Variants in SLC1A2 observed in about 807,000 individuals in gnomAD.
SLC1A2 encodes the protein solute carrier family 1 member 2.
Under a neutral mutation model 48.8 loss-of-function variants are expected in SLC1A2, and 15 were observed. The observed-to-expected ratio is 0.31, with a 90% CI of 0.21 to 0.47. The LOEUF (loss-of-function observed/expected upper bound fraction) is 0.47, where lower values mean the gene tolerates loss of function less well. Among genes scored for constraint, SLC1A2 ranks in the 20% least tolerant of loss-of-function variants. The probability of loss-of-function intolerance (pLI) is 0.99; values close to 1 mark genes in which losing one functional copy is unlikely to be tolerated. For synonymous variants in SLC1A2, 279 were observed against 272.6 expected, an observed-to-expected ratio of 1.02 and a Z score of -0.23; for missense variants, 502 against 730.5, an observed-to-expected ratio of 0.69 and a Z score of 3.61.
At chr11:35,274,507 T>C (rs1383997516) in intron 9 of SLC1A2, among the ~76,000 whole-genome samples, 2 of 152,126 alleles carry the variant, frequency 1.3e-5, no homozygotes, top group African/African-American at 4.8e-5. Flanking sequence ...AAGGTTAACG[T>C]AGGAATTAGT....
chr11:35,282,153 G>T (rs1051594685), intron 8 of SLC1A2, among the ~76,000 whole-genome samples: 3 of 152,018 alleles, frequency 2.0e-5, no homozygotes, highest in Non-Finnish European at 2.9e-5. Context: ...GCCCATCCTT[G>T]CATAGACACT....
intron 5 of SLC1A2, 71 bp from the exon 6 acceptor site, chr11:35,301,716 C>T: frequency 6.9e-7 from 1 of 1,452,894 alleles, no homozygotes; most frequent in East Asian, 2.3e-5. Flanking sequence ...CATTCTTTAC[C>T]ATTCCCAATG....
chr11:35,296,029 T>A (rs1270906240), intron 6 of SLC1A2, among the ~76,000 whole-genome samples: 2 of 152,208 alleles, frequency 1.3e-5, no homozygotes, highest in African/African-American at 2.4e-5. Context: ...CCCAGGTAAT[T>A]CTGATCTGTT....
At chr11:35,368,105 T>C (rs964812563) in intron 1 of SLC1A2, among the ~76,000 whole-genome samples, 3 of 152,184 alleles carry the variant, frequency 2.0e-5, no homozygotes, top group African/African-American at 7.2e-5. Context: ...TAAAAAGGAA[T>C]AATTTTCTCA....
chr11:35,414,406 C>T lies in SLC1A2; in HGVS notation c.17+4544G>A, dbSNP rs181385781. Among the ~76,000 whole-genome samples, 175 of 152,266 alleles carry T rather than the reference C, an allele frequency of 1.1e-3. 1 individual carries two copies. Among genetic ancestry groups the T allele is most frequent in the Admixed American group, 9.6e-3 (147 of 15,294 alleles). Reference sequence around the variant, plus strand: ...TGCTAGTCCTTTTCTATTCTACCGACAAATATGTGGCCCATCTGCCTCCAG... The same window carrying T: ...TGCTAGTCCTTTTCTATTCTACCGATAAATATGTGGCCCATCTGCCTCCAG... On this transcript the variant is annotated intron_variant, in intron 1 of 10. Coordinates refer to ENST00000278379, the MANE Select transcript of SLC1A2 (RefSeq NM_004171.4).
intron 7 of SLC1A2, among the ~76,000 whole-genome samples, chr11:35,289,122 GC>G (rs1400124663): frequency 2.6e-5 from 4 of 152,174 alleles, no homozygotes; most frequent in Admixed American, 1.3e-4. Context: ...TTAACAGACT[GC>G]ACTGAAGTTG....
chr11:35,387,985 C>T (rs1412526243), intron 1 of SLC1A2, among the ~76,000 whole-genome samples: 1 of 152,178 alleles, frequency 6.6e-6, no homozygotes, highest in African/African-American at 2.4e-5. Context: ...ATGAGGTCAG[C>T]GTTATCATAC....
intron 1 of SLC1A2, among the ~76,000 whole-genome samples, chr11:35,414,681 G>A (rs1343578575): frequency 6.6e-6 from 1 of 152,198 alleles, no homozygotes; most frequent in Non-Finnish European, 1.5e-5. Flanking sequence ...TGCAAGCAAG[G>A]CAGTGTCTGG....
chr11:35,378,862 C>T (rs1854326753), intron 1 of SLC1A2, among the ~76,000 whole-genome samples: 1 of 152,174 alleles, frequency 6.6e-6, no homozygotes, highest in African/African-American at 2.4e-5. Flanking sequence ...CTAAATGTAG[C>T]TCATGGAAGG....
Position 35,260,234 on chromosome 11 carries a change from T to A in SLC1A2, c.*660A>T, listed in dbSNP as rs952307590. 1 of 152,246 alleles carries A rather than the reference T, an allele frequency of 6.6e-6. No homozygotes were observed. Among genetic ancestry groups the A allele is most frequent in the Non-Finnish European group, 1.5e-5 (1 of 68,040 alleles). 9.4% of individuals were successfully genotyped at this position (152,246 alleles called of 1,614,324 possible). A position where few individuals can be genotyped will look rare whatever the true frequency, so the allele number is the denominator to read the frequency against. On this transcript the variant is annotated 3_prime_UTR_variant, in exon 11 of 11. Transcript: ENST00000278379. ...AATTTCAACCATTGTTCTCACAGAT[T>A]ACACAGGGTAAGGCAGAGATGTAAC...
chr11:35,339,177 G>A (rs894171992), intron 1 of SLC1A2, among the ~76,000 whole-genome samples: 9 of 152,184 alleles, frequency 5.9e-5, no homozygotes, highest in Non-Finnish European at 1.0e-4. Context: ...ATTTAACTGG[G>A]AAAAATTTTT....
At chr11:35,419,804 C>G, upstream of SLC1A2, 1 of 339,250 alleles carries the variant, frequency 2.9e-6, no homozygotes, top group East Asian at 1.0e-4. The surrounding 1 kb of genome is among the most constrained non-coding windows in gnomAD (Gnocchi z 5.4). Context: ...GAAGCGCAGG[C>G]GACCGCGCGG....
intron 6 of SLC1A2, among the ~76,000 whole-genome samples, chr11:35,300,124 T>C (rs1213176693): frequency 6.6e-6 from 1 of 152,162 alleles, no homozygotes; most frequent in Non-Finnish European, 1.5e-5. Flanking sequence ...TCAGAGTCAC[T>C]GACTATAAAC....
intron 1 of SLC1A2, among the ~76,000 whole-genome samples, chr11:35,373,985 G>A (rs942549166): frequency 3.9e-5 from 6 of 152,228 alleles, no homozygotes; most frequent in Non-Finnish European, 7.3e-5. Context: ...CCGTGTCTTA[G>A]CTGTGTGATC....
intron 6 of SLC1A2, among the ~76,000 whole-genome samples, chr11:35,300,075 G>A (rs946253932): frequency 2.0e-5 from 3 of 152,164 alleles, no homozygotes; most frequent in African/African-American, 7.2e-5. Flanking sequence ...TCCACAATGA[G>A]AGAATAGATA....
intron 1 of SLC1A2, among the ~76,000 whole-genome samples, chr11:35,338,044 A>G (rs937215452): frequency 2.0e-5 from 3 of 152,214 alleles, no homozygotes; most frequent in Non-Finnish European, 4.4e-5. Flanking sequence ...GGTCTCTAGA[A>G]TATGTGGGAC....
rs1449600511 is a variant in SLC1A2 at position 35,253,441 on chromosome 11, A to G, written c.*7453T>C. 1 of 152,638 alleles carries G rather than the reference A, an allele frequency of 6.6e-6. No homozygotes were observed. Among genetic ancestry groups the G allele is most frequent in the Non-Finnish European group, 1.5e-5 (1 of 68,046 alleles). 9.5% of individuals were successfully genotyped at this position (152,638 alleles called of 1,614,324 possible). A position where few individuals can be genotyped will look rare whatever the true frequency, so the allele number is the denominator to read the frequency against. ...TTTCCACATAAACCTTTAGGAATGT[A>G]TGAAACATTCTGATCTAGGAATAAT... On this transcript the variant is annotated 3_prime_UTR_variant, in exon 11 of 11. Coordinates refer to ENST00000278379, the MANE Select transcript of SLC1A2 (RefSeq NM_004171.4).
chr11:35,378,794 G>A (rs977527246), intron 1 of SLC1A2, among the ~76,000 whole-genome samples: 1 of 152,216 alleles, frequency 6.6e-6, no homozygotes, highest in Non-Finnish European at 1.5e-5. Flanking sequence ...TGTCTATAAG[G>A]ATGCAGTTAA....
chr11:35,383,209 T>C (rs1854485701), intron 1 of SLC1A2, among the ~76,000 whole-genome samples: 1 of 152,178 alleles, frequency 6.6e-6, no homozygotes, highest in Admixed American at 6.5e-5. Context: ...AAAGCATGCC[T>C]GAAAATACTA....
Sources: gnomAD v4.1 joint callset for allele counts (sites outside exome capture counted in the v4.1 genomes callset) on GRCh38, gnomAD v4.1.1 for gene constraint, Gnocchi (gnomAD v3.1) non-coding constraint, MANE v1.5 for transcripts, NCBI Gene and HGNC (gene_info 2026-07-23, HGNC 2026-07-21) for gene names.